TSHZ2: variants seen among roughly 807,000 people sequenced by gnomAD.
TSHZ2 encodes teashirt homolog 2.
Under a neutral mutation model 74.4 loss-of-function variants are expected in TSHZ2, and 21 were observed. The observed-to-expected ratio is 0.28, with a 90% CI of 0.20 to 0.41. TSHZ2 has a LOEUF of 0.41. Ranked by LOEUF, TSHZ2 falls within the 10% of genes least tolerant of loss-of-function variation. The pLI is 1.00. For synonymous variants in TSHZ2, 540 were observed against 515.3 expected, an observed-to-expected ratio of 1.05 and a Z score of -0.65; for missense variants, 1,244 against 1,293.5, an observed-to-expected ratio of 0.96 and a Z score of 0.59.
intron 1 of TSHZ2, among the ~76,000 whole-genome samples, chr20:53,119,113 A>G (rs1227579209): frequency 1.3e-5 from 2 of 152,176 alleles, no homozygotes; most frequent in African/African-American, 4.8e-5. Context: ...CTCACCTCCA[A>G]CACTGGGGAT....
chr20:53,054,667 T>G (rs1343000512), intron 1 of TSHZ2, among the ~76,000 whole-genome samples: 7 of 152,278 alleles, frequency 4.6e-5, no homozygotes, highest in African/African-American at 1.7e-4. Flanking sequence ...GACTGTATGT[T>G]TTCATAAAAT....
intron 2 of TSHZ2, among the ~76,000 whole-genome samples, chr20:53,441,627 G>A (rs1984333036): frequency 6.6e-6 from 1 of 151,214 alleles, no homozygotes; most frequent in Non-Finnish European, 1.5e-5. Context: ...CTGTCACCCA[G>A]GCTGGAGTGT....
intron 2 of TSHZ2, among the ~76,000 whole-genome samples, chr20:53,406,214 G>A (rs1306456598): frequency 6.6e-6 from 1 of 152,042 alleles, no homozygotes; most frequent in Non-Finnish European, 1.5e-5. Context: ...AAAAGAGCAG[G>A]TGGATGTGTC....
At chr20:53,272,906 C>T (rs760088671) in intron 2 of TSHZ2, among the ~76,000 whole-genome samples, 1 of 152,116 alleles carries the variant, frequency 6.6e-6, no homozygotes, top group Non-Finnish European at 1.5e-5. Flanking sequence ...ATACAAGTAA[C>T]AATTTCTGAG....
intron 2 of TSHZ2, among the ~76,000 whole-genome samples, chr20:53,288,608 C>T (rs1398039509): frequency 6.6e-6 from 1 of 152,008 alleles, no homozygotes; most frequent in Non-Finnish European, 1.5e-5. Flanking sequence ...TAGGTGCCTA[C>T]CATTGCCAGA....
At chr20:53,466,115 C>A (rs1985551220) in intron 2 of TSHZ2, among the ~76,000 whole-genome samples, 1 of 152,058 alleles carries the variant, frequency 6.6e-6, no homozygotes, top group Non-Finnish European at 1.5e-5. Context: ...GGTGTGATGG[C>A]ACATGCCTGT....
intron 1 of TSHZ2, among the ~76,000 whole-genome samples, chr20:53,200,675 T>C (rs529283111): frequency 6.6e-6 from 1 of 152,272 alleles, no homozygotes; most frequent in East Asian, 1.9e-4. Flanking sequence ...TTTGTTTGTT[T>C]GTATCCTGTT....
chr20:53,269,158 GCA>G (rs1427701051), intron 2 of TSHZ2, among the ~76,000 whole-genome samples: 2 of 151,876 alleles, frequency 1.3e-5, no homozygotes, highest in African/African-American at 4.8e-5. Flanking sequence ...CGTGGATCTG[GCA>G]CACACAGCAA....
chr20:53,370,217 G>A (rs1374469867), intron 2 of TSHZ2, among the ~76,000 whole-genome samples: 5 of 152,072 alleles, frequency 3.3e-5, no homozygotes, highest in East Asian at 1.9e-4. Flanking sequence ...ATCCTGAGCC[G>A]ACGAGGGCAT....
At chr20:52,987,793 C>T (rs1568706890) in intron 1 of TSHZ2, among the ~76,000 whole-genome samples, 1 of 152,108 alleles carries the variant, frequency 6.6e-6, no homozygotes, top group Non-Finnish European at 1.5e-5. Context: ...TTTAAGAGGG[C>T]TTTGTCTGCT....
chr20:53,328,651 G>A, intron 2 of TSHZ2, among the ~76,000 whole-genome samples: 1 of 152,160 alleles, frequency 6.6e-6, no homozygotes, highest in Non-Finnish European at 1.5e-5. Flanking sequence ...CTAATCATAA[G>A]AGCATTAAAA....
chr20:53,160,745 C>CAAAAAAAAA lies in TSHZ2; in HGVS notation c.41-92744_41-92736dup, dbSNP rs10653039. On this transcript the variant is annotated intron_variant, in intron 1 of 2. Transcript: ENST00000371497. ...GGGTGACAGGGCAAGACTCTGTCTC[C>CAAAAAAAAA]AAAAAAAAAAAAAAAAAAGACATTT... Among the ~76,000 whole-genome samples the CAAAAAAAAA allele has an allele frequency of 6.7e-4, 64 of 95,840 alleles. 1 individual carries two copies. The highest frequency in any genetic ancestry group is 2.5e-3 in the African/African-American group (58 of 23,636). 62.9% of individuals were successfully genotyped at this position (95,840 alleles called of 152,430 possible). A position where few individuals can be genotyped will look rare whatever the true frequency, so the allele number is the denominator to read the frequency against.
At chr20:53,201,906 C>T (rs1378907483) in intron 1 of TSHZ2, among the ~76,000 whole-genome samples, 9 of 152,152 alleles carry the variant, frequency 5.9e-5, no homozygotes, top group Non-Finnish European at 8.8e-5. Context: ...GGCTGACAAC[C>T]GCTGGGGTAG....
At chr20:53,042,326 T>C (rs1984070471) in intron 1 of TSHZ2, among the ~76,000 whole-genome samples, 1 of 152,200 alleles carries the variant, frequency 6.6e-6, no homozygotes, top group African/African-American at 2.4e-5. Context: ...TCTTTAATTG[T>C]TAGATTGTAT....
At chr20:53,323,539 A>G (rs1160879052) in intron 2 of TSHZ2, among the ~76,000 whole-genome samples, 2 of 103,910 alleles carry the variant, frequency 1.9e-5, no homozygotes, top group Non-Finnish European at 3.9e-5. Flanking sequence ...CATCAAAGCC[A>G]CCCGTTTTCA....
chr20:53,316,591 C>CAA (rs397936955), intron 2 of TSHZ2, among the ~76,000 whole-genome samples: 1,519 of 139,500 alleles, frequency 0.011, 10 homozygotes, highest in African/African-American at 0.017. Context: ...TTAAAAATGA[C>CAA]AAAAAAAAAA....
chr20:53,196,430 G>A (rs1988871974), intron 1 of TSHZ2: 1 of 146,506 alleles, frequency 6.8e-6, no homozygotes, highest in Admixed American at 6.9e-5. Context: ...ACCTAGTGAA[G>A]TTCTTAATTA....
chr20:53,228,688 CCTCT>C, intron 1 of TSHZ2, among the ~76,000 whole-genome samples: 7 of 125,714 alleles, frequency 5.6e-5, no homozygotes, highest in African/African-American at 2.2e-4. Context: ...CCAAAATTGT[CCTCT>C]GCCCATTGGA....
At chr20:52,982,445 G>A (rs963406447) in intron 1 of TSHZ2, among the ~76,000 whole-genome samples, 2 of 152,188 alleles carry the variant, frequency 1.3e-5, no homozygotes, top group Non-Finnish European at 2.9e-5. Flanking sequence ...GCCTTTAGCG[G>A]CATCTCCAGA....
Sources: allele counts gnomAD v4.1 joint callset (sites outside exome capture counted in the v4.1 genomes callset), GRCh38; gene constraint gnomAD v4.1.1; transcripts MANE v1.5; gene names NCBI Gene and HGNC (gene_info 2026-07-23, HGNC 2026-07-21).